CADPS2: variants seen among roughly 807,000 people sequenced by gnomAD.
CADPS2 encodes the protein calcium dependent secretion activator 2, also known as calcium-dependent secretion activator 2.
In CADPS2, 93 loss-of-function variants were observed where a neutral mutation model predicts 172.5. The ratio of observed to expected loss-of-function variants is 0.54; its 90% confidence interval spans 0.46 to 0.64. CADPS2 has a LOEUF of 0.64. Among genes scored for constraint, CADPS2 ranks in the 30% least tolerant of loss-of-function variants. The pLI, the probability that CADPS2 is intolerant of heterozygous loss-of-function variation, is 0.00. For synonymous variants in CADPS2, 546 were observed against 555.2 expected, an observed-to-expected ratio of 0.98 and a Z score of 0.23; for missense variants, 1,420 against 1,565.9, an observed-to-expected ratio of 0.91 and a Z score of 1.57.
intron 8 of CADPS2, among the ~76,000 whole-genome samples, chr7:122,527,184 A>T (rs2131196536): frequency 6.6e-6 from 1 of 152,222 alleles, no homozygotes. Context: ...AATGATGAAA[A>T]CATTAAGGAA....
At chr7:122,728,572 A>G (rs1410137715) in intron 2 of CADPS2, among the ~76,000 whole-genome samples, 2 of 151,794 alleles carry the variant, frequency 1.3e-5, no homozygotes, top group East Asian at 3.9e-4. Context: ...TCCTGAAAGT[A>G]AAGTATCAAG....
At chr7:122,518,810 A>G (rs1000652497) in intron 8 of CADPS2, among the ~76,000 whole-genome samples, 1 of 152,082 alleles carries the variant, frequency 6.6e-6, no homozygotes, top group African/African-American at 2.4e-5. Context: ...TAAAATAAGT[A>G]TCTATCACAC....
At chr7:122,530,793 T>C (rs1208830573) in intron 8 of CADPS2, among the ~76,000 whole-genome samples, 1 of 152,190 alleles carries the variant, frequency 6.6e-6, no homozygotes, top group Non-Finnish European at 1.5e-5. Flanking sequence ...AGCTACCATA[T>C]ATATAAAATT....
intron 9 of CADPS2, among the ~76,000 whole-genome samples, chr7:122,493,123 C>T (rs528683106): frequency 3.0e-4 from 46 of 152,190 alleles, no homozygotes; most frequent in African/African-American, 1.0e-3. Flanking sequence ...AAGCAACAGA[C>T]TAAGAGAAGA....
At chr7:122,495,466 C>T (rs1313315513) in intron 9 of CADPS2, among the ~76,000 whole-genome samples, 1 of 152,188 alleles carries the variant, frequency 6.6e-6, no homozygotes, top group Non-Finnish European at 1.5e-5. Flanking sequence ...TATTCTGCAA[C>T]TTTCTTCCCC....
In CADPS2 at chr7:122,803,974, G is replaced by GAAAAAAAAAAAA. The variant is rs869246600; in HGVS notation, c.340-66918_340-66907dup. Among the ~76,000 whole-genome samples the GAAAAAAAAAAAA allele has an allele frequency of 1.1e-3, 94 of 85,102 alleles. 1 individual carries two copies. The highest frequency in any genetic ancestry group is 3.9e-3 in the African/African-American group (91 of 23,172). The allele number at this position is 85,102 out of a possible 152,430, so 55.8% of individuals were successfully genotyped here. A position where few individuals can be genotyped will look rare whatever the true frequency, so the allele number is the denominator to read the frequency against. Reference sequence around the variant, plus strand: ...GTCTTTTTAAAACCAGGCTTGAATGGAAAAAAAAAAAAAAAAAAAAAAAAC... The same window carrying GAAAAAAAAAAAA: ...GTCTTTTTAAAACCAGGCTTGAATGGAAAAAAAAAAAAAAAAAAAAAAAAAAAAAAAAAAAAC... On this transcript the variant is annotated intron_variant, in intron 1 of 29. Transcript: ENST00000449022.
At chr7:122,347,719 A>G (rs906405008) in intron 27 of CADPS2, among the ~76,000 whole-genome samples, 1 of 152,198 alleles carries the variant, frequency 6.6e-6, no homozygotes, top group Non-Finnish European at 1.5e-5. Flanking sequence ...GATAAACAAT[A>G]AAAAAGCTAG....
chr7:122,573,023 G>C (rs2067480633), intron 7 of CADPS2, among the ~76,000 whole-genome samples: 1 of 152,094 alleles, frequency 6.6e-6, no homozygotes, highest in African/African-American at 2.4e-5. Flanking sequence ...TACGAAATTT[G>C]AGCTATCATT....
At chr7:122,610,151 TA>T (rs71161311) in intron 6 of CADPS2, among the ~76,000 whole-genome samples, 11,194 of 144,876 alleles carry the variant, frequency 0.077, 470 homozygotes, top group Non-Finnish European at 0.083. Flanking sequence ...GAAAGAGTAA[TA>T]AAAAAAAAAA....
At chr7:122,385,570 G>T (rs932478867) in intron 24 of CADPS2, among the ~76,000 whole-genome samples, 1 of 150,702 alleles carries the variant, frequency 6.6e-6, no homozygotes, top group Non-Finnish European at 1.5e-5. Flanking sequence ...TCTAACTCAC[G>T]ACAAAAAAAA....
chr7:122,722,456 A>G (rs906603369), intron 2 of CADPS2, among the ~76,000 whole-genome samples: 2 of 151,560 alleles, frequency 1.3e-5, no homozygotes, highest in Admixed American at 6.6e-5. Flanking sequence ...CTTCAAAGAG[A>G]ATAAAATACC....
intron 20 of CADPS2, among the ~76,000 whole-genome samples, chr7:122,397,080 C>T (rs1401109683): frequency 1.3e-5 from 2 of 152,040 alleles, no homozygotes; most frequent in African/African-American, 4.8e-5. Context: ...CCCATATGTA[C>T]AAGATCGGAC....
intron 6 of CADPS2, among the ~76,000 whole-genome samples, chr7:122,586,041 G>A (rs2069631701): frequency 6.6e-6 from 1 of 151,924 alleles, no homozygotes; most frequent in African/African-American, 2.4e-5. Flanking sequence ...TAAAATATTA[G>A]GGGAATGATT....
chr7:122,468,265 T>A (rs1300257407), intron 14 of CADPS2, among the ~76,000 whole-genome samples: 1 of 152,062 alleles, frequency 6.6e-6, no homozygotes, highest in African/African-American at 2.4e-5. Flanking sequence ...GATGTAAAAA[T>A]GATCATAAAA....
chr7:122,866,591 C>T (rs1030877142), intron 1 of CADPS2, among the ~76,000 whole-genome samples: 9 of 152,166 alleles, frequency 5.9e-5, no homozygotes, highest in Non-Finnish European at 1.2e-4. Flanking sequence ...GTCCCAGCTA[C>T]TCGAGATGCT....
At chr7:122,565,039 G>C (rs1355022914) in intron 7 of CADPS2, among the ~76,000 whole-genome samples, 1 of 152,028 alleles carries the variant, frequency 6.6e-6, no homozygotes, top group African/African-American at 2.4e-5. Context: ...TAGATATATG[G>C]AGAGGAAGGG....
chr7:122,627,116 G>A (rs1438370116), intron 4 of CADPS2, among the ~76,000 whole-genome samples: 1 of 152,218 alleles, frequency 6.6e-6, no homozygotes, highest in Non-Finnish European at 1.5e-5. Flanking sequence ...CCAGGCTCTG[G>A]AAGCAAGGCC....
intron 6 of CADPS2, among the ~76,000 whole-genome samples, chr7:122,593,304 T>TG (rs1440896758): frequency 6.6e-6 from 1 of 151,880 alleles, no homozygotes; most frequent in Non-Finnish European, 1.5e-5. Context: ...ATAAACATTG[T>TG]GGAAAAAAGA....
intron 1 of CADPS2, among the ~76,000 whole-genome samples, chr7:122,789,639 AC>A (rs1459689830): frequency 2.0e-5 from 3 of 152,350 alleles, no homozygotes; most frequent in South Asian, 2.1e-4. Context: ...ACAGTTAAAA[AC>A]GTCTACAGAT....
Sources: allele counts gnomAD v4.1 joint callset (sites outside exome capture counted in the v4.1 genomes callset), GRCh38; gene constraint gnomAD v4.1.1; transcripts MANE v1.5; gene names NCBI Gene and HGNC (gene_info 2026-07-23, HGNC 2026-07-21).